The following CUX1 variants were observed in gnomAD, a reference collection of about 807,000 sequenced individuals.
The protein encoded by CUX1 is cut like homeobox 1.
In CUX1, 31 loss-of-function variants were observed where a neutral mutation model predicts 158.8. The ratio of observed to expected loss-of-function variants is 0.20; its 90% confidence interval spans 0.15 to 0.26. The LOEUF (loss-of-function observed/expected upper bound fraction) is 0.26. Ranked by LOEUF, CUX1 falls within the 10% of genes least tolerant of loss-of-function variation. CUX1 has a pLI of 1.00. For missense variants in CUX1, 1,589 were observed against 2,014.6 expected (o/e 0.79, Z 4.04); for synonymous variants, 879 against 862.1 (o/e 1.02, Z -0.34).
At chr7:102,031,453 G>A (rs1820774384) in intron 3 of CUX1, among the ~76,000 whole-genome samples, 1 of 152,060 alleles carries the variant, frequency 6.6e-6, no homozygotes, top group Non-Finnish European at 1.5e-5. Flanking sequence ...AGGATAATGG[G>A]TTTGATTCCT....
chr7:101,892,416 G>A (rs1485295499), intron 1 of CUX1, among the ~76,000 whole-genome samples: 4 of 152,102 alleles, frequency 2.6e-5, no homozygotes, highest in Admixed American at 2.6e-4. Flanking sequence ...TGGTTGTTCC[G>A]TTTTTCAGAA....
At chr7:102,132,506 C>G (rs1289669037) in intron 8 of CUX1, among the ~76,000 whole-genome samples, 2 of 151,682 alleles carry the variant, frequency 1.3e-5, no homozygotes, top group African/African-American at 2.4e-5. Flanking sequence ...TGCTTTCTTC[C>G]TCTGCCCGAC....
At position 102,251,685 on chromosome 7, in the gene CUX1, G is replaced by A; in HGVS notation, c.*2643G>A. 1 of 985,388 alleles carries A rather than the reference G, an allele frequency of 1.0e-6. No individual in the cohort carries two copies. Among genetic ancestry groups the A allele is most frequent in the Non-Finnish European group, 1.2e-6 (1 of 829,906 alleles). The allele number at this position is 985,388 out of a possible 1,614,324, so 61.0% of individuals were successfully genotyped here. On this transcript the variant is annotated 3_prime_UTR_variant, in exon 24 of 24. Transcript: ENST00000292535. ...TCGGTGACCCTTAGGACAGTGAGTG[G>A]CAGAGCCCTGACGACTGTGGTGTCC...
chr7:101,977,976 C>G (rs1337268927), intron 2 of CUX1, among the ~76,000 whole-genome samples: 1 of 149,390 alleles, frequency 6.7e-6, no homozygotes. Flanking sequence ...TTTTTTTTTT[C>G]CCTGACCCCT....
At position 102,251,618 on chromosome 7, in the gene CUX1, C is replaced by CT; in HGVS notation, c.*2576_*2577insT. ...AGGAGCTTAAGGGGACACGGGTCAA[C>CT]ATCTAGCTCGATTCAGGTGCATTGA... On this transcript the variant is annotated 3_prime_UTR_variant, in exon 24 of 24. Transcript: ENST00000292535. The CT allele has an allele frequency of 1.0e-6, 1 of 985,402 alleles. No homozygotes were observed. The allele number at this position is 985,402 out of a possible 1,614,324, so 61.0% of individuals were successfully genotyped here.
intron 2 of CUX1, among the ~76,000 whole-genome samples, chr7:101,994,292 A>C (rs898279166): frequency 6.6e-6 from 1 of 152,202 alleles, no homozygotes; most frequent in Non-Finnish European, 1.5e-5. Context: ...CCAGCTTTGC[A>C]CACCTTTAAC....
At chr7:102,247,677 A>C (rs782418957) in intron 23 of CUX1, among the ~76,000 whole-genome samples, 2 of 152,012 alleles carry the variant, frequency 1.3e-5, no homozygotes, top group Non-Finnish European at 1.5e-5. Flanking sequence ...TTTAAAAATT[A>C]GCAAGCATAG....
At position 101,871,233 on chromosome 7, in the gene CUX1, G is replaced by A. The variant is rs1035216551; in HGVS notation, c.31-44882G>A. ...TACCTGGCTTATCAGCAGAATACAG[G>A]CCTCTGCTTAACTGAATTTGGTCCT... On this transcript the variant is annotated intron_variant, in intron 1 of 23. Transcript: ENST00000292535. Among the ~76,000 whole-genome samples, 5 of 151,896 alleles carry A rather than the reference G, an allele frequency of 3.3e-5. No homozygotes were observed. The East Asian group carries it at 5.8e-4, about 18-fold the overall frequency.
At chr7:101,989,366 G>A (rs1025169506) in intron 2 of CUX1, among the ~76,000 whole-genome samples, 5 of 152,220 alleles carry the variant, frequency 3.3e-5, no homozygotes, top group Non-Finnish European at 5.9e-5. Context: ...GAGGCTCGGC[G>A]TGCCGCACTG....
At chr7:102,279,321 A>G (rs930570819) in intron 18 of CUX1, among the ~76,000 whole-genome samples, 6 of 152,156 alleles carry the variant, frequency 3.9e-5, no homozygotes. Flanking sequence ...AGCCTGGGCG[A>G]CAGAGCGAAA....
At chr7:101,857,510 C>T (rs940964924) in intron 1 of CUX1, among the ~76,000 whole-genome samples, 7 of 152,144 alleles carry the variant, frequency 4.6e-5, no homozygotes, top group Non-Finnish European at 1.0e-4. Context: ...ATTAAAGCAG[C>T]GCACGCTTTG....
chr7:102,112,387 G>A (rs1443024296), intron 7 of CUX1, among the ~76,000 whole-genome samples: 4 of 141,488 alleles, frequency 2.8e-5, no homozygotes, highest in Non-Finnish European at 6.1e-5. Flanking sequence ...GGCTACAGGC[G>A]CCCACCACCA....
intron 1 of CUX1, among the ~76,000 whole-genome samples, chr7:101,826,030 G>C (rs1222472670): frequency 6.6e-6 from 1 of 152,034 alleles, no homozygotes; most frequent in African/African-American, 2.4e-5. Flanking sequence ...ACAGAGTGGA[G>C]ACCACATTTC....
intron 2 of CUX1, chr7:101,961,369 A>G (rs1810471202): frequency 6.6e-6 from 1 of 152,226 alleles, no homozygotes; most frequent in African/African-American, 2.4e-5. Context: ...GAAACCAGCT[A>G]TAAATATTGG....
chr7:102,207,899 T>A (rs1796115761), intron 20 of CUX1, among the ~76,000 whole-genome samples: 1 of 152,300 alleles, frequency 6.6e-6, no homozygotes, highest in Non-Finnish European at 1.5e-5. Context: ...AGGTTACTTT[T>A]CAAGGGAGTT....
chr7:102,013,335 G>A (rs1258838605), intron 2 of CUX1, among the ~76,000 whole-genome samples: 2 of 152,176 alleles, frequency 1.3e-5, no homozygotes, highest in Non-Finnish European at 2.9e-5. Flanking sequence ...AAATTTGCTC[G>A]ACATTTATGG....
intron 23 of CUX1, among the ~76,000 whole-genome samples, chr7:102,247,121 G>A (rs1800892853): frequency 6.6e-6 from 1 of 151,970 alleles, no homozygotes; most frequent in Non-Finnish European, 1.5e-5. Flanking sequence ...CTGAGCCTGG[G>A]AGGTGGAGGT....
Position 101,887,934 on chromosome 7 carries a change from G to T in CUX1, c.31-28181G>T, listed in dbSNP as rs577471025. On this transcript the variant is annotated intron_variant, in intron 1 of 23. Coordinates refer to ENST00000292535, the MANE Select transcript of CUX1 (RefSeq NM_181552.4). ...AGCCCAGATGTCGTGGTCCCTCTGC[G>T]TGCCCACTCCAGGAGAACGCATTCA... Among the ~76,000 whole-genome samples, 41 of 150,658 alleles carry T rather than the reference G, an allele frequency of 2.7e-4. 1 individual carries two copies. In the South Asian group the frequency reaches 8.2e-3, roughly 30 times the overall value.
At chr7:102,046,569 ATTTTTTTTTTTT>A (rs55753644) in intron 3 of CUX1, among the ~76,000 whole-genome samples, 5 of 55,480 alleles carry the variant, frequency 9.0e-5, no homozygotes, top group South Asian at 7.2e-4. Context: ...TTTGGTTTGG[ATTTTTTTTTTTT>A]TTTTTTTTTT....
Sources: gnomAD v4.1 joint callset for allele counts (sites outside exome capture counted in the v4.1 genomes callset) on GRCh38, gnomAD v4.1.1 for gene constraint, MANE v1.5 for transcripts, NCBI Gene and HGNC (gene_info 2026-07-23, HGNC 2026-07-21) for gene names.